The following PDE3B variants were observed in gnomAD, a reference collection of about 807,000 sequenced individuals.
PDE3B encodes the protein phosphodiesterase 3B.
In PDE3B, 66 loss-of-function variants were observed where a neutral mutation model predicts 116.8. The observed-to-expected ratio is 0.56, with a 90% CI of 0.46 to 0.69. The LOEUF is 0.69. PDE3B is among the 30% of genes least tolerant of loss of function. The pLI is 0.00. For synonymous variants in PDE3B, 595 were observed against 533.6 expected (o/e 1.12, Z -1.59); for missense variants, 1,384 against 1,368.1 (o/e 1.01, Z -0.18).
intron 12 of PDE3B, among the ~76,000 whole-genome samples, chr11:14,845,775 G>T (rs559975357): frequency 1.4e-4 from 21 of 152,126 alleles, no homozygotes; most frequent in Non-Finnish European, 2.9e-4. Context: ...GAAGCAAGAA[G>T]GGAAGTTTAG....
At chr11:14,740,226 G>A (rs1856723067) in intron 1 of PDE3B, among the ~76,000 whole-genome samples, 1 of 152,062 alleles carries the variant, frequency 6.6e-6, no homozygotes. Flanking sequence ...GAATCTGTCT[G>A]GTCCTGGACT....
chr11:14,698,220 G>A (rs1000324900), intron 1 of PDE3B, among the ~76,000 whole-genome samples: 5 of 151,432 alleles, frequency 3.3e-5, no homozygotes, highest in African/African-American at 1.2e-4. Context: ...TCCATTCCTA[G>A]GTTACCAAGA....
intron 1 of PDE3B, among the ~76,000 whole-genome samples, chr11:14,698,217 C>T (rs1161881094): frequency 6.6e-6 from 1 of 151,516 alleles, no homozygotes. Flanking sequence ...CCTTCCATTC[C>T]TAGGTTACCA....
At chr11:14,736,292 A>G (rs1380664490) in intron 1 of PDE3B, among the ~76,000 whole-genome samples, 2 of 152,196 alleles carry the variant, frequency 1.3e-5, no homozygotes, top group Non-Finnish European at 2.9e-5. Flanking sequence ...GAAGGAAACT[A>G]AAGCTACAAG....
chr11:14,874,980 C>T (rs1590208557), downstream of PDE3B, among the ~76,000 whole-genome samples: 1 of 152,178 alleles, frequency 6.6e-6, no homozygotes, highest in East Asian at 1.9e-4. Context: ...AATTAGGGAG[C>T]CCTCAATCTA....
At chr11:14,817,170 A>G (rs1859359563) in intron 5 of PDE3B, among the ~76,000 whole-genome samples, 1 of 152,124 alleles carries the variant, frequency 6.6e-6, no homozygotes, top group Admixed American at 6.5e-5. Context: ...CATCATTCTG[A>G]GCAAGCTATC....
chr11:14,790,740 G>A (rs781348674), intron 4 of PDE3B, among the ~76,000 whole-genome samples: 2 of 152,068 alleles, frequency 1.3e-5, no homozygotes, highest in Non-Finnish European at 2.9e-5. Context: ...TTAATTGGTG[G>A]TATTATGTAC....
rs1484299877 is a variant in PDE3B, at chr11:14,705,858, A to C, written c.978+60805A>C. ...TAGCATGATGTTAACTTTATGTTAC[A>C]GTTACTTTCTGCTGTGTATTACTGG... On this transcript the variant is annotated intron_variant, in intron 1 of 15. Coordinates refer to ENST00000282096, the MANE Select transcript of PDE3B (RefSeq NM_000922.4). Among the ~76,000 whole-genome samples the C allele has an allele frequency of 2.6e-5, 4 of 151,878 alleles. No homozygotes were observed. In the East Asian group the frequency reaches 7.7e-4, roughly 29 times the overall value.
intron 1 of PDE3B, among the ~76,000 whole-genome samples, chr11:14,725,267 CTCTTTCTTTT>C (rs1247857519): frequency 4.0e-5 from 6 of 151,418 alleles, no homozygotes; most frequent in Middle Eastern, 3.2e-3. Context: ...TTCTTTCTTT[CTCTTTCTTTT>C]TCTTTCTTTC....
chr11:14,771,560 G>A (rs1857642456), intron 1 of PDE3B, among the ~76,000 whole-genome samples: 2 of 151,746 alleles, frequency 1.3e-5, no homozygotes, highest in South Asian at 2.1e-4. Flanking sequence ...TAGGAAAATA[G>A]CATCACCCAT....
intron 1 of PDE3B, among the ~76,000 whole-genome samples, chr11:14,659,571 A>G (rs1056899935): frequency 1.3e-5 from 2 of 152,196 alleles, no homozygotes; most frequent in Non-Finnish European, 2.9e-5. Flanking sequence ...AACTTGTGTC[A>G]TGGGAGTTTG....
chr11:14,650,979 G>C (rs1219933613), intron 1 of PDE3B, among the ~76,000 whole-genome samples: 1 of 151,668 alleles, frequency 6.6e-6, no homozygotes, highest in African/African-American at 2.4e-5. Flanking sequence ...TTGAATTTGC[G>C]ATAATTTGTT....
chr11:14,735,958 T>TTGTGTGTGTG (rs59099319), intron 1 of PDE3B, among the ~76,000 whole-genome samples: 6,077 of 142,894 alleles, frequency 0.043, 211 homozygotes, highest in African/African-American at 0.061. Context: ...GAATAATAGG[T>TTGTGTGTGTG]TGTGTGTGTG....
intron 12 of PDE3B, among the ~76,000 whole-genome samples, chr11:14,850,462 C>G (rs530515713): frequency 1.1e-4 from 17 of 151,836 alleles, no homozygotes; most frequent in African/African-American, 3.9e-4. Flanking sequence ...ACATTGTGCA[C>G]ATGTACCCTA....
At chr11:14,887,957 CA>C in the PDE3B span, among the ~76,000 whole-genome samples, 1 of 152,174 alleles carries the variant, frequency 6.6e-6, no homozygotes, top group Non-Finnish European at 1.5e-5. Context: ...TGTCTTTTTA[CA>C]GGTAATTCTC....
intron 11 of PDE3B, among the ~76,000 whole-genome samples, chr11:14,837,403 C>T (rs1339876198): frequency 6.6e-6 from 1 of 152,160 alleles, no homozygotes; most frequent in Non-Finnish European, 1.5e-5. Context: ...CCAGACTACA[C>T]CTTCAATGCT....
At chr11:14,868,953 G>A (rs1165407756) in intron 15 of PDE3B, among the ~76,000 whole-genome samples, 4 of 151,962 alleles carry the variant, frequency 2.6e-5, no homozygotes, top group East Asian at 1.9e-4. Flanking sequence ...CCCATGAGGC[G>A]GAGGTTCCAG....
At chr11:14,712,594 C>A (rs1368310313) in intron 1 of PDE3B, among the ~76,000 whole-genome samples, 5 of 150,626 alleles carry the variant, frequency 3.3e-5, no homozygotes, top group African/African-American at 1.2e-4. Context: ...CCTGCCTCAG[C>A]CTCCCGAGTA....
chr11:14,777,572 A>G (rs1413939321), intron 2 of PDE3B, among the ~76,000 whole-genome samples: 1 of 152,204 alleles, frequency 6.6e-6, no homozygotes, highest in African/African-American at 2.4e-5. Context: ...ATTTAAAACC[A>G]TGAAGCCCAG....
Sources: allele counts gnomAD v4.1 joint callset (sites outside exome capture counted in the v4.1 genomes callset), GRCh38; gene constraint gnomAD v4.1.1; transcripts MANE v1.5; gene names NCBI Gene and HGNC (gene_info 2026-07-23, HGNC 2026-07-21).